Variants in EFHD1 observed in about 807,000 individuals in gnomAD.
The protein encoded by EFHD1 is EF-hand domain-containing protein D1.
EFHD1 carries 10 observed loss-of-function variants against 17.2 expected under a neutral mutation model. The observed-to-expected ratio is 0.58, with a 90% CI of 0.36 to 0.99. The LOEUF (loss-of-function observed/expected upper bound fraction) is 0.99. EFHD1 is among the 50% of genes least tolerant of loss of function. EFHD1 has a pLI of 0.01. For missense variants in EFHD1, 310 were observed against 327.5 expected (o/e 0.95, Z 0.41); for synonymous variants, 153 against 142.0 (o/e 1.08, Z -0.55).
intron 2 of EFHD1, 88 bp downstream of exon 2, chr2:232,663,037 G>A: frequency 7.1e-7 from 1 of 1,411,328 alleles, no homozygotes; most frequent in Non-Finnish European, 9.3e-7. Context: ...AAATGGGTTT[G>A]GCCTCTCCAG....
intron 1 of EFHD1, among the ~76,000 whole-genome samples, chr2:232,614,304 C>G (rs892544001): frequency 6.6e-6 from 1 of 152,038 alleles, no homozygotes; most frequent in African/African-American, 2.4e-5. Context: ...CTGAGTGTGC[C>G]TGCCTCTCCT....
rs752209559 is a variant in EFHD1 at position 232,681,701 on chromosome 2, G to A, written c.702G>A (p.Lys234=). ...RLRQAAFQKL[K]ANFNT is the part of the protein sequence containing the mutation. ...GCCAGGCAGCCTTCCAGAAACTCAAGGCCAACTTCAATACATAGTCCTGCT... is the reference window on the plus strand; with the variant it reads ...GCCAGGCAGCCTTCCAGAAACTCAAAGCCAACTTCAATACATAGTCCTGCT... The change falls in exon 4 of 4, where the codon AAG becomes AAA. Residue 234 remains lysine (K), a synonymous_variant. Coordinates refer to ENST00000264059, the MANE Select transcript of EFHD1 (RefSeq NM_025202.4). 3 of 1,614,064 alleles carry A rather than the reference G, an allele frequency of 1.9e-6. No homozygotes were observed. The African/African-American group carries it at 4.0e-5, about 22-fold the overall frequency.
chr2:232,648,271 G>A (rs1694570463), intron 1 of EFHD1, among the ~76,000 whole-genome samples: 1 of 152,036 alleles, frequency 6.6e-6, no homozygotes, highest in Non-Finnish European at 1.5e-5. Flanking sequence ...GACAAAAGTG[G>A]CTATGAGTGG....
intron 1 of EFHD1, 35 bp from the exon 2 acceptor site, chr2:232,662,767 T>G: frequency 6.4e-7 from 1 of 1,553,648 alleles, no homozygotes; most frequent in Non-Finnish European, 8.6e-7. Flanking sequence ...ACGAGTGTCC[T>G]TTCATCCCGG....
chr2:232,663,323 A>T (rs1371112000), intron 2 of EFHD1, among the ~76,000 whole-genome samples: 1 of 151,906 alleles, frequency 6.6e-6, no homozygotes, highest in Non-Finnish European at 1.5e-5. Flanking sequence ...ATTGTTATGG[A>T]TACATAATAG....
rs1450455360 is a variant in EFHD1 at position 232,662,874 on chromosome 2, C to T, written c.375C>T (p.Pro125=). The change falls in exon 2 of 4, where the codon CCC becomes CCT. Residue 125 remains proline (P), a synonymous_variant. Coordinates refer to ENST00000264059, the MANE Select transcript of EFHD1 (RefSeq NM_025202.4). ...LKLMMEKLGA[P]QTHLGLKSMI... Reference sequence around the variant, plus strand: ...TGATGATGGAGAAGCTGGGGGCCCCCCAGACCCACCTGGGCCTGAAGAGCA... The same window carrying T: ...TGATGATGGAGAAGCTGGGGGCCCCTCAGACCCACCTGGGCCTGAAGAGCA... The T allele has an allele frequency of 6.3e-7, 1 of 1,596,008 alleles. No individual in the cohort carries two copies.
In EFHD1 at chr2:232,633,934, T is replaced by G. The variant is rs1574709294; in HGVS notation, c.230T>G (p.Val77Gly). Residue 77 changes from valine (V) to glycine (G), a missense_variant, in exon 1 of 4, where the codon GTC (valine) becomes GGC (glycine). Val to Gly is a moderately radical substitution (Grantham distance 109). Coordinates refer to ENST00000264059, the MANE Select transcript of EFHD1 (RefSeq NM_025202.4). Reference protein sequence around the residue: ...EGAARPRRCRVFNPYTEFPEF... With the variant: ...EGAARPRRCRGFNPYTEFPEF... ...GCTGCGCGGCCCCGGCGCTGCAGGGTCTTCAACCCCTACACGGAGTTCCCG... is the reference window on the plus strand; with the variant it reads ...GCTGCGCGGCCCCGGCGCTGCAGGGGCTTCAACCCCTACACGGAGTTCCCG... The G allele has an allele frequency of 6.3e-7, 1 of 1,595,754 alleles. No individual in the cohort carries two copies. Among genetic ancestry groups the G allele is most frequent in the Non-Finnish European group, 8.5e-7 (1 of 1,178,670 alleles).
At chr2:232,667,474 C>T (rs1222419145) in intron 2 of EFHD1, among the ~76,000 whole-genome samples, 1 of 152,106 alleles carries the variant, frequency 6.6e-6, no homozygotes, top group African/African-American at 2.4e-5. Flanking sequence ...TTCCAGTCCT[C>T]CTCCAGGCCA....
At chr2:232,669,404 G>A (rs962171259) in intron 2 of EFHD1, among the ~76,000 whole-genome samples, 4 of 152,148 alleles carry the variant, frequency 2.6e-5, no homozygotes, top group African/African-American at 9.7e-5. Context: ...GACCCTGAAG[G>A]GAGCAATAGG....
chr2:232,639,911 C>T (rs945565760), intron 1 of EFHD1, among the ~76,000 whole-genome samples: 4 of 152,186 alleles, frequency 2.6e-5, no homozygotes, highest in East Asian at 1.9e-4. Context: ...CACTAGCTCA[C>T]TCCCACAGCC....
rs545314737 is a variant in EFHD1 at position 232,620,111 on chromosome 2, G to A, written c.14+13938G>A. Among the ~76,000 whole-genome samples the A allele has an allele frequency of 3.3e-5, 5 of 151,182 alleles. No homozygotes were observed. The South Asian group carries it at 1.0e-3, about 32-fold the overall frequency. On this transcript the variant is annotated intron_variant, in intron 1 of 3. Transcript: ENST00000409613. ...TTTTTTAAGAGACAGAGTCTCGGCC[G>A]GGCGCGGTGGCTCACGCCTGTAATC...
chr2:232,637,443 A>G (rs1239889960), intron 1 of EFHD1, among the ~76,000 whole-genome samples: 2 of 147,918 alleles, frequency 1.4e-5, no homozygotes, highest in African/African-American at 2.5e-5. Flanking sequence ...TCTTGGGTTC[A>G]TGCCATTCTC....
At chr2:232,661,568 C>CTT (rs35488799) in intron 1 of EFHD1, 41,304 of 117,430 alleles carry the variant, frequency 0.35, 9,250 homozygotes, top group South Asian at 0.48. Flanking sequence ...ACCACCACCC[C>CTT]TTTTTTTTTT....
chr2:232,647,419 C>T (rs1694553243), intron 1 of EFHD1, among the ~76,000 whole-genome samples: 1 of 152,246 alleles, frequency 6.6e-6, no homozygotes, highest in Admixed American at 6.5e-5. Context: ...GGCCACTGCA[C>T]ACCCCCTCGT....
At chr2:232,646,436 CTTTTTTTTTT>C (rs71398729) in intron 1 of EFHD1, among the ~76,000 whole-genome samples, 11 of 67,138 alleles carry the variant, frequency 1.6e-4, no homozygotes, top group African/African-American at 4.4e-4. Context: ...CTCTTCTCTT[CTTTTTTTTTT>C]TTTTTTTTTT....
chr2:232,671,750 G>A (rs1269245264), intron 2 of EFHD1, among the ~76,000 whole-genome samples: 1 of 146,922 alleles, frequency 6.8e-6, no homozygotes, highest in Non-Finnish European at 1.5e-5. Context: ...AAATAAAAAA[G>A]AAAATAAATA....
intron 1 of EFHD1, among the ~76,000 whole-genome samples, chr2:232,628,268 C>G (rs375078511): frequency 2.0e-5 from 3 of 152,234 alleles, no homozygotes; most frequent in East Asian, 3.9e-4. Flanking sequence ...ACCGTGTTGG[C>G]CAGGCTGGTC....
chr2:232,662,583 A>T, intron 1 of EFHD1: 1 of 488,106 alleles, frequency 2.0e-6, no homozygotes, highest in East Asian at 3.8e-5. Context: ...GATAAAAGAC[A>T]TGAAAACCAA....
intron 2 of EFHD1, among the ~76,000 whole-genome samples, chr2:232,671,312 G>A (rs1345509151): frequency 1.3e-5 from 2 of 151,060 alleles, no homozygotes; most frequent in East Asian, 1.9e-4. Context: ...GGTGGCACAC[G>A]CCTGTGGTCC....
Sources: gnomAD v4.1 joint callset for allele counts (sites outside exome capture counted in the v4.1 genomes callset) on GRCh38, gnomAD v4.1.1 for gene constraint, MANE v1.5 for transcripts, NCBI Gene and HGNC (gene_info 2026-07-23, HGNC 2026-07-21) for gene names.